The following SUGCT variants were observed in gnomAD, a reference collection of about 807,000 sequenced individuals.
SUGCT encodes succinyl-CoA:glutarate-CoA transferase.
A neutral mutation model predicts 55.0 loss-of-function variants in SUGCT; 41 were observed. The observed-to-expected ratio is 0.74, with a 90% confidence interval of 0.58 to 0.97. SUGCT has a LOEUF of 0.97. SUGCT is among the 50% of genes least tolerant of loss of function. The pLI is 0.00. For missense variants in SUGCT, 568 were observed against 547.8 expected, an observed-to-expected ratio of 1.04 and a Z score of -0.37; for synonymous variants, 187 against 200.4, an observed-to-expected ratio of 0.93 and a Z score of 0.56.
chr7:40,674,995 AG>A (rs1783890086), intron 12 of SUGCT, among the ~76,000 whole-genome samples: 1 of 151,900 alleles, frequency 6.6e-6, no homozygotes, highest in South Asian at 2.1e-4. Context: ...ATGACTCTAG[AG>A]TTGAAAAGAG....
chr7:40,147,055 T>TC lies in SUGCT; in HGVS notation c.100+11935_100+11936insC, dbSNP rs1554346016. Among the ~76,000 whole-genome samples, 916 of 150,454 alleles carry TC rather than the reference T, an allele frequency of 6.1e-3. 3 individuals carry two copies. Among genetic ancestry groups the TC allele is most frequent in the Non-Finnish European group, 0.011 (712 of 67,620 alleles). On this transcript the variant is annotated intron_variant, in intron 1 of 13. Transcript: ENST00000335693. ...CTCTGCCTCTCTTTCTCTCTCTTTCTTCTCTCTTTCTCCTCACTCTCTCTC... is the reference window on the plus strand; with the variant it reads ...CTCTGCCTCTCTTTCTCTCTCTTTCTCTCTCTCTTTCTCCTCACTCTCTCTC...
At chr7:40,469,826 A>G (rs1039376549) in intron 11 of SUGCT, among the ~76,000 whole-genome samples, 1 of 152,056 alleles carries the variant, frequency 6.6e-6, no homozygotes, top group African/African-American at 2.4e-5. Context: ...GGAGGGGATG[A>G]TGGTGATGGG....
chr7:40,157,086 C>T (rs916962083), intron 1 of SUGCT, among the ~76,000 whole-genome samples: 2 of 151,030 alleles, frequency 1.3e-5, no homozygotes, highest in African/African-American at 2.4e-5. Flanking sequence ...AAAAGTAGAA[C>T]CTGGGTTAAA....
chr7:40,777,130 TCTCTA>T (rs1789491228), intron 13 of SUGCT, among the ~76,000 whole-genome samples: 1 of 152,192 alleles, frequency 6.6e-6, no homozygotes, highest in African/African-American at 2.4e-5. Flanking sequence ...TTTCTTCTCT[TCTCTA>T]GAGAGCCTCT....
the SUGCT span, among the ~76,000 whole-genome samples, chr7:40,895,663 T>G: frequency 1.3e-5 from 2 of 151,954 alleles, no homozygotes; most frequent in East Asian, 3.9e-4. Context: ...ATAAAAAACC[T>G]CAACACATTA....
At chr7:40,187,273 C>T (rs180960941) in intron 3 of SUGCT, among the ~76,000 whole-genome samples, 8 of 152,036 alleles carry the variant, frequency 5.3e-5, no homozygotes, top group African/African-American at 1.2e-4. Flanking sequence ...TATCACACAC[C>T]GGGGCCTGTC....
chr7:41,020,249 T>C, the SUGCT span, among the ~76,000 whole-genome samples: 1 of 152,138 alleles, frequency 6.6e-6, no homozygotes, highest in Non-Finnish European at 1.5e-5. Context: ...TCCAGAAGGG[T>C]GAATGAACAG....
At chr7:40,269,497 A>C (rs1369519846) in intron 7 of SUGCT, among the ~76,000 whole-genome samples, 1 of 151,758 alleles carries the variant, frequency 6.6e-6, no homozygotes, top group Non-Finnish European at 1.5e-5. Flanking sequence ...TAATTTTTGT[A>C]TTTATCGTAG....
chr7:40,911,872 C>A, the SUGCT span, among the ~76,000 whole-genome samples: 1 of 152,100 alleles, frequency 6.6e-6, no homozygotes, highest in African/African-American at 2.4e-5. Context: ...ACTATGAACT[C>A]ATGCAGGAGG....
intron 9 of SUGCT, among the ~76,000 whole-genome samples, chr7:40,351,678 A>T (rs1265781558): frequency 1.3e-5 from 2 of 152,202 alleles, no homozygotes; most frequent in African/African-American, 2.4e-5. Context: ...AGCACTCTTC[A>T]ATGACTAGCT....
At chr7:40,679,624 C>T in intron 12 of SUGCT, among the ~76,000 whole-genome samples, 1 of 152,098 alleles carries the variant, frequency 6.6e-6, no homozygotes, top group East Asian at 1.9e-4. Context: ...GCAGAGAATA[C>T]CTTTTCTGGC....
intron 12 of SUGCT, among the ~76,000 whole-genome samples, chr7:40,606,089 G>A (rs981214049): frequency 4.6e-5 from 7 of 152,324 alleles, no homozygotes; most frequent in African/African-American, 1.4e-4. Flanking sequence ...GGAAGGTAGT[G>A]GATGGATAGA....
chr7:40,777,679 T>C (rs1178828596), intron 13 of SUGCT, among the ~76,000 whole-genome samples: 1 of 152,052 alleles, frequency 6.6e-6, no homozygotes, highest in Non-Finnish European at 1.5e-5. Context: ...GGCAGCGCCA[T>C]GGTTGGACTA....
At chr7:40,224,401 T>C (rs1010451729) in intron 6 of SUGCT, among the ~76,000 whole-genome samples, 6 of 38,836 alleles carry the variant, frequency 1.5e-4, no homozygotes, top group African/African-American at 2.8e-4. Context: ...AATCTGTGCG[T>C]GTGTGTGTGT....
intron 12 of SUGCT, among the ~76,000 whole-genome samples, chr7:40,718,223 C>G (rs1000489381): frequency 1.1e-4 from 17 of 152,284 alleles, no homozygotes; most frequent in East Asian, 9.6e-4. Flanking sequence ...CTATTTGTGT[C>G]TCATATGTGT....
chr7:40,628,162 G>A (rs1799614029), intron 12 of SUGCT, among the ~76,000 whole-genome samples: 2 of 152,158 alleles, frequency 1.3e-5, no homozygotes, highest in African/African-American at 2.4e-5. Flanking sequence ...CCACATATCT[G>A]TTATTACAGT....
intron 12 of SUGCT, among the ~76,000 whole-genome samples, chr7:40,623,086 A>T (rs1211299957): frequency 1.3e-5 from 2 of 152,208 alleles, no homozygotes; most frequent in Non-Finnish European, 2.9e-5. Context: ...GCTTGATAAC[A>T]GGATTTTCTA....
chr7:40,152,657 GA>G, intron 1 of SUGCT: 1 of 183,580 alleles, frequency 5.4e-6, no homozygotes. Context: ...GACTTGGCTG[GA>G]AAACTCCCGT....
chr7:40,204,425 C>T (rs1026678852), intron 6 of SUGCT, among the ~76,000 whole-genome samples: 46 of 152,080 alleles, frequency 3.0e-4, no homozygotes, highest in South Asian at 2.3e-3. Flanking sequence ...GCCTCAGCCT[C>T]CCGAGTAGCT....
Sources: gnomAD v4.1 joint callset for allele counts (sites outside exome capture counted in the v4.1 genomes callset) on GRCh38, gnomAD v4.1.1 for gene constraint, MANE v1.5 for transcripts, NCBI Gene and HGNC (gene_info 2026-07-23, HGNC 2026-07-21) for gene names.